LYPD6B: variants seen among roughly 807,000 people sequenced by gnomAD.
The protein encoded by LYPD6B is ly6/PLAUR domain-containing protein 6B.
A neutral mutation model predicts 22.8 loss-of-function variants in LYPD6B; 17 were observed. The ratio of observed to expected loss-of-function variants is 0.75; its 90% confidence interval spans 0.51 to 1.12. LYPD6B has a LOEUF of 1.12. Ranked by LOEUF, LYPD6B falls within the 50% of genes most tolerant of loss-of-function variation. The probability of loss-of-function intolerance (pLI) is 0.00; values close to 1 mark genes in which losing one functional copy is unlikely to be tolerated. For missense variants in LYPD6B, 221 were observed against 258.3 expected (o/e 0.86, Z 0.99); for synonymous variants, 106 against 91.6 (o/e 1.16, Z -0.90).
intron 3 of LYPD6B, among the ~76,000 whole-genome samples, chr2:149,163,730 C>T (rs544177876): frequency 6.6e-6 from 1 of 152,088 alleles, no homozygotes; most frequent in Non-Finnish European, 1.5e-5. Context: ...AGTGAAGTAA[C>T]CTTTTGCTTA....
chr2:149,091,437 G>A (rs1323182930), intron 1 of LYPD6B, among the ~76,000 whole-genome samples: 1 of 151,596 alleles, frequency 6.6e-6, no homozygotes, highest in East Asian at 1.9e-4. Flanking sequence ...CCTATTGAGA[G>A]CCTTCAGATC....
At chr2:149,097,583 A>G (rs2170607) in intron 1 of LYPD6B, among the ~76,000 whole-genome samples, 93,950 of 152,122 alleles carry the variant, frequency 0.62, 29,182 homozygotes, top group Admixed American at 0.67. Flanking sequence ...AGTCTCAGCC[A>G]GGTAGGAGTT....
At chr2:149,065,690 G>A (rs74858415) in intron 1 of LYPD6B, among the ~76,000 whole-genome samples, 137 of 152,230 alleles carry the variant, frequency 9.0e-4, no homozygotes, top group African/African-American at 3.0e-3. Flanking sequence ...CTTTTGTGTT[G>A]TGTGTTCCAA....
intron 1 of LYPD6B, among the ~76,000 whole-genome samples, chr2:149,043,275 T>C (rs1260530802): frequency 2.0e-5 from 3 of 152,152 alleles, no homozygotes; most frequent in Non-Finnish European, 4.4e-5. Context: ...TGTATGAAAT[T>C]TATCTCCTGA....
chr2:149,138,534 C>T (rs1688499998), intron 2 of LYPD6B, among the ~76,000 whole-genome samples: 1 of 152,130 alleles, frequency 6.6e-6, no homozygotes. Context: ...GGGTTTTCAG[C>T]AGAGGAGGTT....
At position 149,201,631 on chromosome 2, in the gene LYPD6B, T is replaced by C. The variant is rs76484943; in HGVS notation, c.78-3622T>C. Among the ~76,000 whole-genome samples, 1,190 of 152,310 alleles carry C rather than the reference T, an allele frequency of 7.8e-3. 14 individuals carry two copies. The highest frequency in any genetic ancestry group is 0.028 in the African/African-American group (1,150 of 41,566). On this transcript the variant is annotated intron_variant, in intron 3 of 6. Coordinates refer to ENST00000409642, the MANE Select transcript of LYPD6B (RefSeq NM_177964.5). ...AATAGATATAGATAGATATAGGTGC[T>C]CAGGAAGAAGTGGTAGATGGTAATA...
At chr2:149,059,854 G>A (rs1011824844) in intron 1 of LYPD6B, among the ~76,000 whole-genome samples, 1 of 152,220 alleles carries the variant, frequency 6.6e-6, no homozygotes, top group Admixed American at 6.5e-5. Flanking sequence ...CTTGCCTGGG[G>A]ACAGGAAATG....
intron 1 of LYPD6B, among the ~76,000 whole-genome samples, chr2:149,094,434 G>C (rs1685808986): frequency 6.6e-6 from 1 of 152,182 alleles, no homozygotes; most frequent in African/African-American, 2.4e-5. Context: ...AGTATCTAAA[G>C]GATTGGCTGA....
chr2:149,207,810 T>C (rs1559079882), intron 4 of LYPD6B, among the ~76,000 whole-genome samples: 1 of 152,162 alleles, frequency 6.6e-6, no homozygotes, highest in Non-Finnish European at 1.5e-5. Context: ...CAACTTCCCA[T>C]TTAATCCTCA....
intron 1 of LYPD6B, chr2:149,068,679 A>G: frequency 1.8e-6 from 1 of 551,516 alleles, no homozygotes; most frequent in South Asian, 1.4e-5. Context: ...TTCTTAAAAA[A>G]CTAGGTTGGC....
chr2:149,130,989 TA>T (rs1666724330), intron 2 of LYPD6B, 36 bp downstream of exon 2: 2 of 1,458,222 alleles, frequency 1.4e-6, no homozygotes, highest in Admixed American at 1.7e-5. Flanking sequence ...GTAGAGAAGA[TA>T]TTTTTATTTA....
intron 1 of LYPD6B, among the ~76,000 whole-genome samples, chr2:149,083,746 A>G (rs964462582): frequency 6.6e-6 from 1 of 152,082 alleles, no homozygotes; most frequent in Non-Finnish European, 1.5e-5. Flanking sequence ...AATATTACTG[A>G]TGTTGAGCTG....
At chr2:149,067,811 C>T (rs772224169) in intron 1 of LYPD6B, among the ~76,000 whole-genome samples, 1 of 152,092 alleles carries the variant, frequency 6.6e-6, no homozygotes, top group African/African-American at 2.4e-5. Context: ...CTTAGTGCAA[C>T]AGAAAAATTT....
rs2106186512 is a variant in LYPD6B, at chr2:149,212,906, CATTA to C, written c.329-82_329-79del. ...CTGGCCTGAATTTGAGTCCTTTCTG[CATTA>C]ATTGTTAAGAGATCTCTTTTGTAAT... is the stretch of plus-strand genomic sequence containing the variant. On this transcript the variant is annotated intron_variant, in intron 5 of 6. Coordinates refer to ENST00000409642, the MANE Select transcript of LYPD6B (RefSeq NM_177964.5). The C allele has an allele frequency of 1.4e-5, 19 of 1,366,706 alleles. No homozygotes were observed. The South Asian group carries it at 2.6e-4, about 19-fold the overall frequency. The allele number at this position is 1,366,706 out of a possible 1,614,324, so 84.7% of individuals were successfully genotyped here.
rs139964300 is a variant in LYPD6B, at chr2:149,204,736, C to T, written c.78-517C>T. The stretch of plus-strand genomic sequence containing the variant: ...TGGCAGAGATTTTATTTCTCAGACT[C>T]CTTGTCCTTTCCCCTGCTGTCCTTC... On this transcript the variant is annotated intron_variant, in intron 3 of 6. Transcript: ENST00000409642. 301 of 153,020 alleles carry T rather than the reference C, an allele frequency of 2.0e-3. 1 individual carries two copies. Among genetic ancestry groups the T allele is most frequent in the Middle Eastern group, 6.5e-3 (4 of 620 alleles). The allele number at this position is 153,020 out of a possible 1,614,324, so 9.5% of individuals were successfully genotyped here.
chr2:149,100,030 T>C (rs1367407659), intron 1 of LYPD6B, among the ~76,000 whole-genome samples: 1 of 152,200 alleles, frequency 6.6e-6, no homozygotes, highest in Non-Finnish European at 1.5e-5. Flanking sequence ...CAGTTTCATG[T>C]TTTTGTTCTA....
chr2:149,141,980 T>C (rs1688721208), intron 2 of LYPD6B: 1 of 152,232 alleles, frequency 6.6e-6, no homozygotes, highest in Non-Finnish European at 1.5e-5. Context: ...ATAGTACTAA[T>C]TTGGAATTCT....
intron 2 of LYPD6B, among the ~76,000 whole-genome samples, chr2:149,158,412 A>G (rs1689841962): frequency 6.6e-6 from 1 of 152,244 alleles, no homozygotes. Flanking sequence ...AAAATAAGCC[A>G]GACACAAGAA....
intron 3 of LYPD6B, among the ~76,000 whole-genome samples, chr2:149,175,029 C>G (rs1371443252): frequency 9.5e-6 from 1 of 105,024 alleles, no homozygotes; most frequent in East Asian, 3.3e-4. Context: ...TTTAATCTCT[C>G]TCTCTCTCTC....
Sources: gnomAD v4.1 joint callset for allele counts (sites outside exome capture counted in the v4.1 genomes callset) on GRCh38, gnomAD v4.1.1 for gene constraint, MANE v1.5 for transcripts, NCBI Gene and HGNC (gene_info 2026-07-23, HGNC 2026-07-21) for gene names.